Variants in MSRB3 observed in about 807,000 individuals in gnomAD.
MSRB3 encodes the protein methionine sulfoxide reductase B3, also known as methionine-R-sulfoxide reductase B3.
MSRB3 carries 13 observed loss-of-function variants against 21.0 expected under a neutral mutation model. The observed-to-expected ratio is 0.62, with a 90% confidence interval of 0.40 to 0.98. MSRB3 has a LOEUF of 0.98. Among genes scored for constraint, MSRB3 ranks in the 50% least tolerant of loss-of-function variants. The pLI, the probability that MSRB3 is intolerant of heterozygous loss-of-function variation, is 0.00. For missense variants in MSRB3, 199 were observed against 230.3 expected (o/e 0.86, Z 0.88); for synonymous variants, 87 against 88.6 (o/e 0.98, Z 0.10).
At chr12:65,406,303 A>G (rs182258683) in intron 5 of MSRB3, among the ~76,000 whole-genome samples, 123 of 152,346 alleles carry the variant, frequency 8.1e-4, no homozygotes, top group African/African-American at 2.8e-3. Flanking sequence ...TCTAACAACA[A>G]ACTATCCAAA....
chr12:65,282,799 A>G (rs1872117303), intron 1 of MSRB3, among the ~76,000 whole-genome samples: 1 of 151,812 alleles, frequency 6.6e-6, no homozygotes, highest in South Asian at 2.1e-4. Flanking sequence ...CCTGGGAGGT[A>G]GAACCTGATA....
chr12:65,317,580 T>C (rs1388072898), intron 2 of MSRB3, among the ~76,000 whole-genome samples: 2 of 152,154 alleles, frequency 1.3e-5, no homozygotes, highest in African/African-American at 4.8e-5. Context: ...GAGCCAGTGT[T>C]TTAGAGAATG....
intron 4 of MSRB3, among the ~76,000 whole-genome samples, chr12:65,359,328 T>C (rs944050172): frequency 2.6e-5 from 4 of 152,088 alleles, no homozygotes; most frequent in Non-Finnish European, 5.9e-5. Flanking sequence ...TTTAAACTTT[T>C]AGAGTCTGTC....
At chr12:65,327,075 T>TA in intron 3 of MSRB3, 141 bp downstream of exon 3, 1 of 691,946 alleles carries the variant, frequency 1.4e-6, no homozygotes, top group Non-Finnish European at 2.6e-6. Context: ...TTGAAAAGGT[T>TA]AAAATGGTGT....
At chr12:65,361,430 A>G (rs1332488908) in intron 4 of MSRB3, among the ~76,000 whole-genome samples, 2 of 152,152 alleles carry the variant, frequency 1.3e-5, no homozygotes, top group Non-Finnish European at 2.9e-5. Flanking sequence ...ATGGACAAGA[A>G]ATAGACCTAT....
chr12:65,459,796 C>T (rs1426867284), intron 6 of MSRB3, among the ~76,000 whole-genome samples: 1 of 152,144 alleles, frequency 6.6e-6, no homozygotes, highest in Non-Finnish European at 1.5e-5. Flanking sequence ...GTTGAATACA[C>T]TATTTGTGTT....
At chr12:65,366,059 A>T (rs2136527720) in intron 4 of MSRB3, among the ~76,000 whole-genome samples, 1 of 152,218 alleles carries the variant, frequency 6.6e-6, no homozygotes, top group African/African-American at 2.4e-5. Flanking sequence ...TCGAGTTCCA[A>T]AGTGATCTAG....
At chr12:65,458,297 C>G (rs902333652) in intron 6 of MSRB3, among the ~76,000 whole-genome samples, 2 of 152,182 alleles carry the variant, frequency 1.3e-5, no homozygotes, top group Non-Finnish European at 2.9e-5. Flanking sequence ...ACCATGCATA[C>G]AGTGAATTAG....
At chr12:65,308,396 G>A (rs556783592) in intron 1 of MSRB3, 133 bp from the exon 2 acceptor site, 54 of 1,250,846 alleles carry the variant, frequency 4.3e-5, no homozygotes, top group Middle Eastern at 4.4e-4. Context: ...AAAAATAGGC[G>A]TTTGAAATTT....
chr12:65,370,761 A>C (rs1411618991), intron 5 of MSRB3, among the ~76,000 whole-genome samples: 1 of 152,216 alleles, frequency 6.6e-6, no homozygotes, highest in Non-Finnish European at 1.5e-5. Context: ...TTATTTAAAA[A>C]AAATCTATCA....
At chr12:65,417,186 C>T (rs1881024584) in intron 5 of MSRB3, among the ~76,000 whole-genome samples, 1 of 152,074 alleles carries the variant, frequency 6.6e-6, no homozygotes, top group South Asian at 2.1e-4. Context: ...TTTACCTCTG[C>T]CTCAGATATT....
chr12:65,443,224 A>G (rs1467621668), intron 5 of MSRB3, among the ~76,000 whole-genome samples: 2 of 152,036 alleles, frequency 1.3e-5, no homozygotes, highest in Non-Finnish European at 2.9e-5. Flanking sequence ...CTCCAAAGAG[A>G]ATAGATACCA....
chr12:65,440,373 T>A (rs1303926774), intron 5 of MSRB3, among the ~76,000 whole-genome samples: 2 of 151,854 alleles, frequency 1.3e-5, no homozygotes, highest in Non-Finnish European at 2.9e-5. Flanking sequence ...ATAATTATAA[T>A]GCAGATGTTA....
At chr12:65,306,728 C>A (rs776171173) in intron 1 of MSRB3, 5 of 593,178 alleles carry the variant, frequency 8.4e-6, no homozygotes, top group Non-Finnish European at 1.1e-5. Context: ...CTAGATGGAG[C>A]CCTGGCTATT....
intron 4 of MSRB3, among the ~76,000 whole-genome samples, chr12:65,335,379 C>A (rs1283806290): frequency 6.6e-6 from 1 of 152,184 alleles, no homozygotes; most frequent in Non-Finnish European, 1.5e-5. Context: ...AACTCTGCTG[C>A]AAGACTGTTC....
At chr12:65,432,727 A>G (rs1881940426) in intron 5 of MSRB3, among the ~76,000 whole-genome samples, 1 of 151,948 alleles carries the variant, frequency 6.6e-6, no homozygotes, top group Non-Finnish European at 1.5e-5. Context: ...TGTACCAGTC[A>G]GAGAAGCAGT....
chr12:65,381,826 T>C (rs563213975), intron 5 of MSRB3, among the ~76,000 whole-genome samples: 8 of 152,174 alleles, frequency 5.3e-5, no homozygotes, highest in Non-Finnish European at 1.0e-4. Context: ...TATTCCTTAA[T>C]TAAGAACTTA....
intron 5 of MSRB3, among the ~76,000 whole-genome samples, chr12:65,415,788 T>G (rs1334355533): frequency 2.0e-5 from 3 of 152,204 alleles, no homozygotes; most frequent in Non-Finnish European, 4.4e-5. Context: ...GAATAGTCCC[T>G]GGAAGGGTTT....
intron 1 of MSRB3, among the ~76,000 whole-genome samples, chr12:65,303,844 G>C (rs1418956999): frequency 6.6e-6 from 1 of 152,090 alleles, no homozygotes; most frequent in Non-Finnish European, 1.5e-5. Flanking sequence ...TGGAAGTGGT[G>C]GCAAAGATAG....
Sources: gnomAD v4.1 joint callset for allele counts (sites outside exome capture counted in the v4.1 genomes callset) on GRCh38, gnomAD v4.1.1 for gene constraint, MANE v1.5 for transcripts, NCBI Gene and HGNC (gene_info 2026-07-23, HGNC 2026-07-21) for gene names.